KANSL1: variants seen among roughly 807,000 people sequenced by gnomAD.
KANSL1 encodes MLL1/MLL complex subunit KANSL1.
Under a neutral mutation model 103.6 loss-of-function variants are expected in KANSL1, and 22 were observed. The ratio of observed to expected loss-of-function variants is 0.21; its 90% confidence interval spans 0.15 to 0.30. The LOEUF (loss-of-function observed/expected upper bound fraction) is 0.30, where lower values mean the gene tolerates loss of function less well. Ranked by LOEUF, KANSL1 falls within the 10% of genes least tolerant of loss-of-function variation. The probability of loss-of-function intolerance (pLI) is 1.00; values close to 1 mark genes in which losing one functional copy is unlikely to be tolerated. For missense variants in KANSL1, 1,337 were observed against 1,399.8 expected, an observed-to-expected ratio of 0.96 and a Z score of 0.72; for synonymous variants, 600 against 527.6, an observed-to-expected ratio of 1.14 and a Z score of -1.88.
chr17:46,058,427 T>C (rs774521694), intron 6 of KANSL1, among the ~76,000 whole-genome samples: 1 of 152,162 alleles, frequency 6.6e-6, no homozygotes, highest in Non-Finnish European at 1.5e-5. Flanking sequence ...ACAAGGAATT[T>C]ACCTGCCAGC....
At chr17:46,105,969 G>A in intron 2 of KANSL1, among the ~76,000 whole-genome samples, 1 of 146,484 alleles carries the variant, frequency 6.8e-6, no homozygotes. Flanking sequence ...GGGTGAAGGA[G>A]CAGAAAAGTA....
At chr17:46,123,952 T>C (rs774841610) in intron 2 of KANSL1, among the ~76,000 whole-genome samples, 55 of 152,130 alleles carry the variant, frequency 3.6e-4, no homozygotes, top group Non-Finnish European at 7.5e-4. Context: ...GGCTAGAGAG[T>C]AGAAAGGAGA....
At chr17:46,186,218 CA>C (rs150341818) in intron 1 of KANSL1, among the ~76,000 whole-genome samples, 267 of 135,812 alleles carry the variant, frequency 2.0e-3, no homozygotes, top group African/African-American at 2.8e-3. Context: ...TACTAAAATG[CA>C]AAAAAAAAAA....
rs191058987 is a variant in KANSL1 at position 46,170,879 on chromosome 17, T to A, written c.1265A>T (p.Asp422Val). 2.2e-5 allele frequency: 35 copies of A among 1,610,358 alleles called. No homozygotes were observed. The Admixed American group carries it at 5.9e-4, about 27-fold the overall frequency. Residue 422 changes from aspartate (D) to valine (V), a missense_variant, in exon 2 of 15, where the codon GAT (aspartate) becomes GTT (valine). By Grantham distance (152) the Asp-to-Val change is radical (BLOSUM62 -3). Transcript: ENST00000432791. ...DIEEEELTRADPEQRHVPLRR... is the reference protein window; with the variant it reads ...DIEEEELTRAVPEQRHVPLRR... ...CAGGGGTACATGACGCTGCTCGGGA[T>A]CAGCTCTGGTCAGTTCTTCCTCTTC...
At chr17:46,065,493 C>T (rs907171908) in intron 6 of KANSL1, among the ~76,000 whole-genome samples, 3 of 152,098 alleles carry the variant, frequency 2.0e-5, no homozygotes, top group Non-Finnish European at 4.4e-5. Context: ...CCACTTTGTA[C>T]GAGGAACTTA....
intron 2 of KANSL1, among the ~76,000 whole-genome samples, chr17:46,114,119 G>A (rs976489332): frequency 2.0e-5 from 3 of 152,202 alleles, no homozygotes; most frequent in Non-Finnish European, 4.4e-5. Context: ...CCAGCACAAT[G>A]GGAGGCCGAG....
At position 46,171,257 on chromosome 17, in the gene KANSL1, C is replaced by T. The variant is rs1435339492; in HGVS notation, c.887G>A (p.Ser296Asn). 6 of 1,614,136 alleles carry T rather than the reference C, an allele frequency of 3.7e-6. No individual in the cohort carries two copies. Among genetic ancestry groups the T allele is most frequent in the Non-Finnish European group, 5.1e-6 (6 of 1,180,052 alleles). The change falls in exon 2 of 15, where the codon AGC becomes AAC. Residue 296 changes from serine to asparagine, a missense_variant. Physicochemically the swap from Ser to Asn is conservative, Grantham distance 46. Around this residue, in one of 2 missense-constraint regions of KANSL1, gnomAD observed 557 missense variants for 476.4 expected, o/e 1.17. Transcript: ENST00000432791. Reference protein sequence around the residue: ...ALLRRQADIESRARRLQKRLQ... With the variant: ...ALLRRQADIENRARRLQKRLQ... ...GCGCTTTTGTAATCTGCGGGCACGG[C>T]TCTCAATGTCAGCCTGTCGCCGCAG...
At chr17:46,156,983 A>G (rs1436639633) in intron 2 of KANSL1, 2 of 152,138 alleles carry the variant, frequency 1.3e-5, no homozygotes, top group African/African-American at 4.8e-5. Context: ...TGTTTTCATC[A>G]TTCCTGATCT....
At chr17:46,144,701 T>G (rs1406074) in intron 2 of KANSL1, among the ~76,000 whole-genome samples, 21,946 of 151,956 alleles carry the variant, frequency 0.14, 2,137 homozygotes, top group Non-Finnish European at 0.22. Flanking sequence ...CTGAAAAATG[T>G]AATGGGATTA....
chr17:46,207,628 A>C (rs1438364219), intron 1 of KANSL1, among the ~76,000 whole-genome samples: 4 of 152,230 alleles, frequency 2.6e-5, no homozygotes, highest in Non-Finnish European at 5.9e-5. Context: ...ATGTGCAGAG[A>C]ATTTAAATAG....
At chr17:46,134,092 A>T (rs1463612144) in intron 2 of KANSL1, among the ~76,000 whole-genome samples, 2 of 152,202 alleles carry the variant, frequency 1.3e-5, no homozygotes, top group Non-Finnish European at 2.9e-5. Flanking sequence ...AGGAATCAAG[A>T]GCCCCATTAC....
At chr17:46,176,708 A>T (rs1431608094) in intron 1 of KANSL1, among the ~76,000 whole-genome samples, 1 of 150,526 alleles carries the variant, frequency 6.6e-6, no homozygotes, top group East Asian at 1.9e-4. Flanking sequence ...AAAAAAAAAA[A>T]TCCCATCTAC....
At chr17:46,126,806 A>C (rs2043581067) in intron 2 of KANSL1, among the ~76,000 whole-genome samples, 1 of 152,234 alleles carries the variant, frequency 6.6e-6, no homozygotes, top group South Asian at 2.1e-4. Flanking sequence ...AACAGCCCGC[A>C]AGTTTAGCTC....
In KANSL1 at chr17:46,031,607, A is replaced by G; in HGVS notation, c.3187T>C (p.Cys1063Arg). The change falls in exon 15 of 15, where the codon TGC becomes CGC. Residue 1063 changes from cysteine (C) to arginine (R), a missense_variant. Physicochemically the swap from Cys to Arg is radical, Grantham distance 180 (BLOSUM62 -3). Around this residue, in one of 2 missense-constraint regions of KANSL1, gnomAD observed 780 missense variants for 923.4 expected, o/e 0.84. Coordinates refer to ENST00000432791, the MANE Select transcript of KANSL1 (RefSeq NM_015443.4). ...QLDAQERAAR[C>R]TRRTSGSKTG... ...TTGCTGCCTGAGGTGCGTCGAGTGC[A>G]GCGGGCTGCTCGCTCCTGTGCATCC... is the stretch of plus-strand genomic sequence containing the variant. 6.2e-7 allele frequency: 1 copy of G among 1,614,106 alleles called. No individual in the cohort carries two copies. Among genetic ancestry groups the G allele is most frequent in the Non-Finnish European group, 8.5e-7 (1 of 1,179,988 alleles).
At chr17:46,068,944 G>C (rs980366481) in intron 4 of KANSL1, among the ~76,000 whole-genome samples, 10 of 151,920 alleles carry the variant, frequency 6.6e-5, no homozygotes, top group Admixed American at 6.6e-4. Flanking sequence ...TTATTTTTTT[G>C]AGATGAAGTC....
intron 6 of KANSL1, among the ~76,000 whole-genome samples, chr17:46,055,098 C>T (rs1406786313): frequency 6.6e-6 from 1 of 151,768 alleles, no homozygotes; most frequent in Non-Finnish European, 1.5e-5. Context: ...ATCCGCCTGC[C>T]TCAGCTTCCC....
intron 2 of KANSL1, among the ~76,000 whole-genome samples, chr17:46,114,774 G>A (rs189450268): frequency 1.5e-3 from 234 of 152,328 alleles, no homozygotes; most frequent in African/African-American, 5.5e-3. Context: ...GAGTGGGGAG[G>A]TAACTAGTTC....
chr17:46,139,079 A>C (rs1257132031), intron 2 of KANSL1, among the ~76,000 whole-genome samples: 3 of 152,232 alleles, frequency 2.0e-5, no homozygotes, highest in Admixed American at 6.5e-5. Flanking sequence ...ATTAAAAAGG[A>C]AGGCAGAAAA....
intron 6 of KANSL1, among the ~76,000 whole-genome samples, chr17:46,051,095 A>T (rs1247952014): frequency 6.6e-6 from 1 of 152,202 alleles, no homozygotes; most frequent in Non-Finnish European, 1.5e-5. Flanking sequence ...TTGGTTCTTG[A>T]TTCCCAGGTG....
Sources: allele counts gnomAD v4.1 joint callset (sites outside exome capture counted in the v4.1 genomes callset), GRCh38; gene constraint gnomAD v4.1.1; regional missense constraint gnomAD v4.1.1; transcripts MANE v1.5; gene names NCBI Gene and HGNC (gene_info 2026-07-23, HGNC 2026-07-21).